Variants in PTPRT observed in about 807,000 individuals in gnomAD.
PTPRT encodes the protein protein tyrosine phosphatase receptor type T, also known as receptor-type tyrosine-protein phosphatase T.
In PTPRT, 56 loss-of-function variants were observed where a neutral mutation model predicts 176.8. The observed-to-expected ratio is 0.32, with a 90% confidence interval of 0.26 to 0.40. PTPRT has a LOEUF of 0.40. PTPRT is among the 10% of genes least tolerant of loss of function. The probability of loss-of-function intolerance (pLI) is 1.00; values close to 1 mark genes in which losing one functional copy is unlikely to be tolerated. For missense variants in PTPRT, 1,540 were observed against 1,908.2 expected (o/e 0.81, Z 3.60); for synonymous variants, 783 against 739.0 (o/e 1.06, Z -0.96).
At chr20:43,093,180 G>T (rs953797183) in intron 1 of PTPRT, among the ~76,000 whole-genome samples, 2 of 152,182 alleles carry the variant, frequency 1.3e-5, no homozygotes, top group Non-Finnish European at 2.9e-5. Context: ...CTGTATCGAG[G>T]AGGAGAGATT....
chr20:42,669,264 A>C (rs2075373234), intron 7 of PTPRT, among the ~76,000 whole-genome samples: 1 of 152,136 alleles, frequency 6.6e-6, no homozygotes, highest in Non-Finnish European at 1.5e-5. Flanking sequence ...CCTGCACTGC[A>C]CAAGCAACTA....
intron 15 of PTPRT, among the ~76,000 whole-genome samples, chr20:42,203,243 A>C (rs532082877): frequency 1.3e-5 from 2 of 152,192 alleles, no homozygotes; most frequent in Non-Finnish European, 2.9e-5. Context: ...TCTGAATTTA[A>C]GTGTTAAAAA....
intron 7 of PTPRT, among the ~76,000 whole-genome samples, chr20:42,489,891 C>T (rs1001733861): frequency 2.3e-4 from 35 of 152,210 alleles, no homozygotes; most frequent in Non-Finnish European, 4.3e-4. Context: ...TTCACACTGA[C>T]ATCTTAGGTC....
chr20:43,035,177 A>G (rs1261902633), intron 1 of PTPRT, among the ~76,000 whole-genome samples: 2 of 152,052 alleles, frequency 1.3e-5, no homozygotes, highest in Non-Finnish European at 2.9e-5. Flanking sequence ...AGCAGTCCAG[A>G]CCAAAGGAGG....
chr20:42,883,839 TACACATAGACAC>T (rs2079058177), intron 2 of PTPRT, among the ~76,000 whole-genome samples: 2 of 4,242 alleles, frequency 4.7e-4, no homozygotes, highest in African/African-American at 1.0e-3. Context: ...CACACCCCCA[TACACATAGACAC>T]ACACCCCCAT....
At chr20:42,685,342 AG>A (rs965901141) in intron 6 of PTPRT, 3 of 152,178 alleles carry the variant, frequency 2.0e-5, no homozygotes, top group African/African-American at 7.2e-5. Flanking sequence ...CCTCTAGCAT[AG>A]GGGAATTGTG....
chr20:42,979,161 AT>A (rs891796593), intron 1 of PTPRT, among the ~76,000 whole-genome samples: 29 of 152,016 alleles, frequency 1.9e-4, no homozygotes, highest in Middle Eastern at 3.4e-3. Flanking sequence ...AGGAAAGCTA[AT>A]TTTTTTTCAG....
intron 1 of PTPRT, among the ~76,000 whole-genome samples, chr20:43,150,735 G>A (rs942455395): frequency 9.2e-5 from 14 of 151,992 alleles, no homozygotes; most frequent in Non-Finnish European, 1.3e-4. Context: ...GGGATTACAG[G>A]CATGAGCCAC....
intron 8 of PTPRT, among the ~76,000 whole-genome samples, chr20:42,449,028 A>G (rs934100268): frequency 3.9e-5 from 6 of 152,188 alleles, no homozygotes; most frequent in East Asian, 3.9e-4. Flanking sequence ...GCTTCCCATC[A>G]TCTTACCAAG....
rs139887047 is a variant in PTPRT at position 42,749,014 on chromosome 20, C to T, written c.859+7448G>A. ...CTGAGTCTGCTTCTAGGGGTCTCAA[C>T]GCCATGTGCCTTTTATCTTCACTCT... On this transcript the variant is annotated intron_variant, in intron 6 of 30. Coordinates refer to ENST00000373187, the MANE Select transcript of PTPRT (RefSeq NM_007050.6). Among the ~76,000 whole-genome samples, 257 of 152,278 alleles carry T rather than the reference C, an allele frequency of 1.7e-3. 2 individuals carry two copies. Among genetic ancestry groups the T allele is most frequent in the African/African-American group, 5.8e-3 (241 of 41,542 alleles).
intron 1 of PTPRT, among the ~76,000 whole-genome samples, chr20:42,900,453 C>T (rs142016158): frequency 2.6e-4 from 39 of 152,260 alleles, no homozygotes; most frequent in African/African-American, 9.1e-4. Flanking sequence ...CATCTCTCTA[C>T]CCCTTTCCAG....
chr20:42,124,436 A>G (rs1010026511), intron 19 of PTPRT, among the ~76,000 whole-genome samples: 4 of 152,246 alleles, frequency 2.6e-5, no homozygotes, highest in African/African-American at 4.8e-5. Context: ...AACAGATTTA[A>G]GTGGCCAATA....
intron 2 of PTPRT, among the ~76,000 whole-genome samples, chr20:42,870,892 T>A (rs902896035): frequency 6.6e-6 from 1 of 152,212 alleles, no homozygotes; most frequent in South Asian, 2.1e-4. Context: ...TAAGGTGATA[T>A]CTCATTGTGG....
At chr20:42,060,901 T>C in the PTPRT span, among the ~76,000 whole-genome samples, 1 of 152,220 alleles carries the variant, frequency 6.6e-6, no homozygotes, top group Non-Finnish European at 1.5e-5. Context: ...CAGCATGTGA[T>C]AATGGTTAGG....
chr20:42,837,620 A>G (rs1277666194), intron 2 of PTPRT, among the ~76,000 whole-genome samples: 2 of 152,086 alleles, frequency 1.3e-5, no homozygotes, highest in African/African-American at 4.8e-5. Context: ...TTTAACACTC[A>G]CTACATTAAC....
intron 7 of PTPRT, among the ~76,000 whole-genome samples, chr20:42,522,223 G>A (rs1293743723): frequency 1.3e-5 from 2 of 149,166 alleles, no homozygotes; most frequent in Non-Finnish European, 3.0e-5. Context: ...GGCACTAGTG[G>A]TTGTGTGAAT....
At chr20:42,742,365 G>A (rs377702328) in intron 6 of PTPRT, among the ~76,000 whole-genome samples, 1 of 152,192 alleles carries the variant, frequency 6.6e-6, no homozygotes, top group Non-Finnish European at 1.5e-5. Flanking sequence ...CACCTGCCCC[G>A]CCCTCACGGG....
At chr20:42,069,374 AT>A (rs1294495527), downstream of PTPRT, among the ~76,000 whole-genome samples, 12 of 151,638 alleles carry the variant, frequency 7.9e-5, no homozygotes, top group East Asian at 1.5e-3. Context: ...TGAGCAAGAG[AT>A]TTTTTTTTCC....
intron 6 of PTPRT, among the ~76,000 whole-genome samples, chr20:42,723,686 AGAG>A (rs1381125781): frequency 6.6e-6 from 1 of 152,200 alleles, no homozygotes; most frequent in Non-Finnish European, 1.5e-5. Context: ...TTCTAAATTC[AGAG>A]GAGATCCCAG....
Sources: allele counts gnomAD v4.1 joint callset (sites outside exome capture counted in the v4.1 genomes callset), GRCh38; gene constraint gnomAD v4.1.1; transcripts MANE v1.5; gene names NCBI Gene and HGNC (gene_info 2026-07-23, HGNC 2026-07-21).